CFTR: variants seen among roughly 807,000 people sequenced by gnomAD.
CFTR encodes the protein CF transmembrane conductance regulator, also known as cystic fibrosis transmembrane conductance regulator.
CFTR carries 181 observed loss-of-function variants against 171.6 expected under a neutral mutation model. That is an observed-to-expected ratio of 1.05 (90% CI 0.93 to 1.19). The LOEUF is 1.19. CFTR is among the 50% of genes most tolerant of loss of function. CFTR has a pLI of 0.00. For missense variants in CFTR, 1,968 were observed against 1,734.7 expected, an observed-to-expected ratio of 1.13 and a Z score of -2.39; for synonymous variants, 583 against 608.0, an observed-to-expected ratio of 0.96 and a Z score of 0.60.
At chr7:117,538,332 A>G (rs1798991672) in intron 7 of CFTR, among the ~76,000 whole-genome samples, 1 of 152,242 alleles carries the variant, frequency 6.6e-6, no homozygotes, top group African/African-American at 2.4e-5. Flanking sequence ...TTAGTAATAA[A>G]GTCACTTTCA....
chr7:117,661,983 GAAA>G (rs57319132), intron 24 of CFTR, among the ~76,000 whole-genome samples: 31,862 of 87,060 alleles, frequency 0.37, 3,765 homozygotes, highest in South Asian at 0.41. Flanking sequence ...TAATTTTACT[GAAA>G]AAAAAAAAAA....
intron 3 of CFTR, among the ~76,000 whole-genome samples, chr7:117,518,714 A>G (rs1450341843): frequency 6.6e-6 from 1 of 151,658 alleles, no homozygotes; most frequent in East Asian, 1.9e-4. Flanking sequence ...TTCAGACATG[A>G]GACACTGCAC....
intron 24 of CFTR, among the ~76,000 whole-genome samples, chr7:117,657,404 T>G (rs1793199950): frequency 6.6e-6 from 1 of 152,160 alleles, no homozygotes; most frequent in Non-Finnish European, 1.5e-5. Flanking sequence ...AGTGCTAAGT[T>G]TTTGTTGAGT....
intron 11 of CFTR, among the ~76,000 whole-genome samples, chr7:117,577,863 A>G (rs917085854): frequency 6.6e-6 from 1 of 152,292 alleles, no homozygotes; most frequent in Middle Eastern, 3.4e-3. Flanking sequence ...TATCTTCCAC[A>G]TGTGTTTTAC....
intron 8 of CFTR, 73 bp from the exon 9 acceptor site, chr7:117,541,943 T>C: frequency 1.4e-6 from 1 of 705,106 alleles, no homozygotes; most frequent in Non-Finnish European, 2.6e-6. Flanking sequence ...ACAATGAGAG[T>C]ATAAAGTAGA....
At chr7:117,542,246 T>G in intron 9 of CFTR, 138 bp downstream of exon 9, 1 of 650,496 alleles carries the variant, frequency 1.5e-6, no homozygotes, top group Non-Finnish European at 2.8e-6. Flanking sequence ...ACTCACTTAT[T>G]TTCTAGATTA....
chr7:117,646,209 G>A (rs1584839729), intron 23 of CFTR, among the ~76,000 whole-genome samples: 1 of 152,170 alleles, frequency 6.6e-6, no homozygotes, highest in East Asian at 1.9e-4. Context: ...ACTCCTCCCT[G>A]GCACATAGTA....
chr7:117,544,957 C>A (rs1799114889), intron 9 of CFTR, among the ~76,000 whole-genome samples: 2 of 152,188 alleles, frequency 1.3e-5, no homozygotes, highest in South Asian at 4.1e-4. Context: ...CCGTGCTTGC[C>A]ACTTAAGTGA....
intron 10 of CFTR, among the ~76,000 whole-genome samples, chr7:117,559,066 TG>T (rs952130074): frequency 1.3e-5 from 2 of 152,194 alleles, no homozygotes; most frequent in Admixed American, 6.5e-5. Context: ...TAATCTACTT[TG>T]TAGGATTTCT....
At chr7:117,664,581 T>C (rs913518824) in intron 24 of CFTR, 107 bp from the exon 25 acceptor site, 11 of 1,003,246 alleles carry the variant, frequency 1.1e-5, no homozygotes, top group Admixed American at 6.9e-5. Flanking sequence ...GTAGAGGGAT[T>C]GGTATGAAAA....
intron 2 of CFTR, 101 bp from the exon 3 acceptor site, chr7:117,508,930 TCTC>T: frequency 2.5e-6 from 2 of 791,782 alleles, no homozygotes; most frequent in South Asian, 2.7e-5. Flanking sequence ...CTTGGGTTAA[TCTC>T]CTTGGATATA....
chr7:117,482,005 C>T (rs1403740783), intron 1 of CFTR, among the ~76,000 whole-genome samples: 1 of 152,134 alleles, frequency 6.6e-6, no homozygotes, highest in African/African-American at 2.4e-5. Flanking sequence ...GAAAAGTTAG[C>T]CTAATGTTAA....
chr7:117,546,168 A>G (rs527514104), intron 9 of CFTR, among the ~76,000 whole-genome samples: 56 of 151,796 alleles, frequency 3.7e-4, no homozygotes, highest in Non-Finnish European at 7.7e-4. Flanking sequence ...TAATTTTTGT[A>G]TTTTTAGTAG....
chr7:117,509,242 T>C (rs1042564079), intron 3 of CFTR, 100 bp downstream of exon 3: 4 of 783,618 alleles, frequency 5.1e-6, no homozygotes, highest in Non-Finnish European at 9.0e-6. Context: ...TGTAAAAATA[T>C]AAAGGATGAA....
At chr7:117,571,848 G>A (rs1791694249) in intron 11 of CFTR, among the ~76,000 whole-genome samples, 2 of 152,024 alleles carry the variant, frequency 1.3e-5, no homozygotes, top group South Asian at 4.1e-4. Flanking sequence ...AATATTAAGT[G>A]TTTGATATTA....
intron 2 of CFTR, among the ~76,000 whole-genome samples, chr7:117,506,480 A>G (rs910062493): frequency 3.3e-5 from 5 of 152,164 alleles, no homozygotes; most frequent in African/African-American, 1.2e-4. Flanking sequence ...TCCTGACCTC[A>G]AGTGATCTGC....
At chr7:117,599,458 A>T (rs531203912) in intron 15 of CFTR, among the ~76,000 whole-genome samples, 6 of 152,164 alleles carry the variant, frequency 3.9e-5, no homozygotes, top group Non-Finnish European at 5.9e-5. Context: ...TCCTTTAGGG[A>T]AAGAAACTAA....
chr7:117,607,453 A>G lies in CFTR; in HGVS notation c.2988+700A>G, dbSNP rs111614627. Among the ~76,000 whole-genome samples, 700 of 152,218 alleles carry G rather than the reference A, an allele frequency of 4.6e-3. 5 individuals carry two copies. Among genetic ancestry groups the G allele is most frequent in the African/African-American group, 0.015 (641 of 41,528 alleles). ...TTGGGACATTAGGTCTCCATAAGTGACAGGATTTAAGGAGTGTTGTAAGCT... is the reference window on the plus strand; with the variant it reads ...TTGGGACATTAGGTCTCCATAAGTGGCAGGATTTAAGGAGTGTTGTAAGCT... On this transcript the variant is annotated intron_variant, in intron 18 of 26. Coordinates refer to ENST00000003084, the MANE Select transcript of CFTR (RefSeq NM_000492.4).
At chr7:117,519,100 A>G (rs1798646459) in intron 3 of CFTR, among the ~76,000 whole-genome samples, 1 of 152,116 alleles carries the variant, frequency 6.6e-6, no homozygotes, top group South Asian at 2.1e-4. Flanking sequence ...AAAATACCAA[A>G]ACTAAAGCAT....
Sources: allele counts gnomAD v4.1 joint callset (sites outside exome capture counted in the v4.1 genomes callset), GRCh38; gene constraint gnomAD v4.1.1; transcripts MANE v1.5; gene names NCBI Gene and HGNC (gene_info 2026-07-23, HGNC 2026-07-21).